The following MAPK8IP3 variants were observed in gnomAD, a reference collection of about 807,000 sequenced individuals.
MAPK8IP3 encodes mitogen-activated protein kinase 8 interacting protein 3, also known as C-Jun-amino-terminal kinase-interacting protein 3.
Under a neutral mutation model 157.8 loss-of-function variants are expected in MAPK8IP3, and 49 were observed. That is an observed-to-expected ratio of 0.31 (90% confidence interval 0.25 to 0.39). The LOEUF (loss-of-function observed/expected upper bound fraction) is 0.39. MAPK8IP3 is among the 10% of genes least tolerant of loss of function. MAPK8IP3 has a pLI of 1.00. For missense variants in MAPK8IP3, 1,478 were observed against 1,889.4 expected (o/e 0.78, Z 4.04); for synonymous variants, 897 against 777.7 (o/e 1.15, Z -2.55).
intron 13 of MAPK8IP3, among the ~76,000 whole-genome samples, chr16:1,761,772 C>G (rs1212495420): frequency 6.7e-6 from 1 of 150,216 alleles, no homozygotes; most frequent in Non-Finnish European, 1.5e-5. Flanking sequence ...CGCATTCACA[C>G]GTGGGGCAGC....
At position 1,765,139 on chromosome 16, in the gene MAPK8IP3, G is replaced by A. The variant is rs779363751; in HGVS notation, c.2407G>A (p.Val803Ile). 6.8e-6 allele frequency: 11 copies of A among 1,611,268 alleles called. No individual in the cohort carries two copies. Among genetic ancestry groups the A allele is most frequent in the South Asian group, 2.2e-5 (2 of 91,034 alleles). ...QPGTVVDQFT[V>I]CNAHVLCISS... ...GGGCACGGTGGTGGACCAGTTCACC[G>A]TCTGCAACGCGCACGTGCTGTGCAT... Residue 803 changes from valine (V) to isoleucine (I), a missense_variant, in exon 20 of 32, where the codon GTC becomes ATC. Val to Ile is a conservative substitution (Grantham distance 29, BLOSUM62 3). Coordinates refer to ENST00000610761, the MANE Select transcript of MAPK8IP3 (RefSeq NM_001318852.2).
At position 1,743,477 on chromosome 16, in the gene MAPK8IP3, GT is replaced by G; in HGVS notation, c.747+5del. 1 of 1,609,086 alleles carries G rather than the reference GT, an allele frequency of 6.2e-7. No individual in the cohort carries two copies. The highest frequency in any genetic ancestry group is 8.5e-7 in the Non-Finnish European group (1 of 1,178,856). On this transcript the variant is annotated splice_donor_variant, in intron 5 of 31. Transcript: ENST00000610761. LOFTEE classifies it high-confidence loss of function. The surrounding 1 kb of genome is among the most constrained non-coding windows in gnomAD (Gnocchi z 5.6). The stretch of plus-strand genomic sequence containing the variant: ...GCTGCAGTCCAGCTCCAGCTACCAG[GT>G]TTTGTAGCCGTGCCGTGGAGTGAGA...
intron 4 of MAPK8IP3, among the ~76,000 whole-genome samples, chr16:1,736,387 A>ACCGTCT (rs2039826350): frequency 1.7e-5 from 1 of 59,348 alleles, no homozygotes; most frequent in Non-Finnish European, 3.0e-5. Flanking sequence ...CATCCGTGTG[A>ACCGTCT]GCGTGACCGT....
chr16:1,743,552 G>C lies in MAPK8IP3; in HGVS notation c.747+76G>C. The C allele has an allele frequency of 6.5e-7, 1 of 1,546,836 alleles. No individual in the cohort carries two copies. Among genetic ancestry groups the C allele is most frequent in the Non-Finnish European group, 8.6e-7 (1 of 1,156,680 alleles). On this transcript the variant is annotated intron_variant, in intron 5 of 31. Transcript: ENST00000610761. This position sits in a 1 kb window ranked among gnomAD's most constrained non-coding sequence, Gnocchi z 5.6. Reference sequence around the variant, plus strand: ...CCCCGTTCACTGGGGCGGGAGCCTCGTCTGCAGGCAGCCCTTCACGGCTCT... The same window carrying C: ...CCCCGTTCACTGGGGCGGGAGCCTCCTCTGCAGGCAGCCCTTCACGGCTCT...
rs1381208291 is a variant in MAPK8IP3, at chr16:1,766,593, A to C, written c.2884A>C (p.Thr962Pro). The C allele has an allele frequency of 6.2e-7, 1 of 1,612,428 alleles. No individual in the cohort carries two copies. Residue 962 changes from threonine (T) to proline (P), a missense_variant, in exon 23 of 32, where the codon ACG becomes CCG. Around this residue, in one of 11 missense-constraint regions of MAPK8IP3, gnomAD observed 669 missense variants for 759.8 expected, o/e 0.88. Coordinates refer to ENST00000610761, the MANE Select transcript of MAPK8IP3 (RefSeq NM_001318852.2). Reference protein sequence around the residue: ...RPEPEPSGDPTGAGSSAAPTM... With the variant: ...RPEPEPSGDPPGAGSSAAPTM... ...AGAGCCAGAGCCCAGCGGGGACCCC[A>C]CGGGAGCAGGCAGCAGTGCTGCACC... is the stretch of plus-strand genomic sequence containing the variant.
At chr16:1,755,936 GAAAT>G (rs977577360) in intron 8 of MAPK8IP3, among the ~76,000 whole-genome samples, 44 of 150,426 alleles carry the variant, frequency 2.9e-4, no homozygotes, top group Admixed American at 4.0e-4. Flanking sequence ...AAATAATAAA[GAAAT>G]AAAGAGAAAA....
In MAPK8IP3 at chr16:1,751,814, C is replaced by G. The variant is rs1442217878; in HGVS notation, c.1216+3094C>G. On this transcript the variant is annotated intron_variant, in intron 8 of 31. Coordinates refer to ENST00000610761, the MANE Select transcript of MAPK8IP3 (RefSeq NM_001318852.2). The surrounding 1 kb of genome is among the most constrained non-coding windows in gnomAD (Gnocchi z 5.0). ...TTTCACAGCAATGGGCCTTTTCTGC[C>G]TGGCTTCTTTAACGTTGCATCACAT... The G allele has an allele frequency of 1.3e-5, 2 of 152,268 alleles. No homozygotes were observed. Among genetic ancestry groups the G allele is most frequent in the African/African-American group, 4.8e-5 (2 of 41,450 alleles). The allele number at this position is 152,268 out of a possible 1,614,324, so 9.4% of individuals were successfully genotyped here.
chr16:1,745,607 G>C (rs1156539823), intron 5 of MAPK8IP3: 1 of 152,374 alleles, frequency 6.6e-6, no homozygotes, highest in Non-Finnish European at 1.5e-5. Flanking sequence ...TGCATGGCCT[G>C]GGCCGCTGGG....
intron 4 of MAPK8IP3, among the ~76,000 whole-genome samples, chr16:1,736,973 C>T (rs1229957900): frequency 3.2e-5 from 2 of 62,150 alleles, no homozygotes; most frequent in Non-Finnish European, 5.9e-5. Flanking sequence ...TCCGTGTGAC[C>T]GTCCGTGTGA....
At chr16:1,729,322 T>G (rs1450333560) in intron 3 of MAPK8IP3, 114 bp downstream of exon 3, 12 of 1,348,142 alleles carry the variant, frequency 8.9e-6, no homozygotes, top group Non-Finnish European at 1.2e-5. Flanking sequence ...TTTCTAGCAT[T>G]TGCTGCCAGG....
chr16:1,744,585 T>G, intron 5 of MAPK8IP3: 1 of 985,622 alleles, frequency 1.0e-6, no homozygotes, highest in Non-Finnish European at 1.2e-6. Flanking sequence ...TGGGCCCACC[T>G]CCTCTCACTG....
intron 5 of MAPK8IP3, chr16:1,744,125 T>G: frequency 2.0e-6 from 2 of 985,622 alleles, no homozygotes. Context: ...GCCAGGCCAC[T>G]CCTTCAGGGC....
At chr16:1,731,942 C>T (rs554083563) in intron 4 of MAPK8IP3, among the ~76,000 whole-genome samples, 3 of 152,208 alleles carry the variant, frequency 2.0e-5, no homozygotes, top group East Asian at 1.9e-4. Flanking sequence ...GTGGGGGTAC[C>T]GGTGGGTTTC....
chr16:1,736,321 A>ACCGT (rs774237516), intron 4 of MAPK8IP3, among the ~76,000 whole-genome samples: 124 of 26,420 alleles, frequency 4.7e-3, no homozygotes, highest in African/African-American at 0.011. Flanking sequence ...TGAGCGTGTG[A>ACCGT]CCGTGTGAGC....
At position 1,766,356 on chromosome 16, in the gene MAPK8IP3, G is replaced by A. The variant is rs1399168234; in HGVS notation, c.2766G>A (p.Glu922=). 6.2e-7 allele frequency: 1 copy of A among 1,612,646 alleles called. No individual in the cohort carries two copies. Among genetic ancestry groups the A allele is most frequent in the Non-Finnish European group, 8.5e-7 (1 of 1,179,958 alleles). ...TATLRPGPLT[E]HVFTDPAPTP... ...CATTGCGGCCCGGGCCTCTCACAGA[G>A]CACGTCTTCACTGACCCAGCCCCGA... The change falls in exon 22 of 32, where the codon GAG becomes GAA. Residue 922 remains glutamate (E), a synonymous_variant. Transcript: ENST00000610761.
Position 1,743,893 on chromosome 16 carries a change from G to T in MAPK8IP3, c.747+417G>T. On this transcript the variant is annotated intron_variant, in intron 5 of 31. Transcript: ENST00000610761. This position sits in a 1 kb window ranked among gnomAD's most constrained non-coding sequence, Gnocchi z 5.6. ...GCCACGCCTCTACTCTCGGAGGAAC[G>T]TCAGTGTCTAGAGTGTGGGGTTTGC... 2 of 1,059,916 alleles carry T rather than the reference G, an allele frequency of 1.9e-6. No individual in the cohort carries two copies. Among genetic ancestry groups the T allele is most frequent in the Non-Finnish European group, 2.3e-6 (2 of 876,310 alleles). The allele number at this position is 1,059,916 out of a possible 1,614,324, so 65.7% of individuals were successfully genotyped here.
intron 1 of MAPK8IP3, among the ~76,000 whole-genome samples, chr16:1,708,977 T>C (rs1290207225): frequency 1.3e-5 from 2 of 152,178 alleles, no homozygotes; most frequent in Non-Finnish European, 2.9e-5. Context: ...GACGTGTGTC[T>C]GATAAGAGGG....
In MAPK8IP3 at chr16:1,751,501, G is replaced by C. The variant is rs1427145720; in HGVS notation, c.1216+2781G>C. The C allele has an allele frequency of 6.6e-6, 1 of 152,020 alleles. No individual in the cohort carries two copies. The highest frequency in any genetic ancestry group is 1.5e-5 in the Non-Finnish European group (1 of 68,018). The allele number at this position is 152,020 out of a possible 1,614,324, so 9.4% of individuals were successfully genotyped here. ...GTCAGGGAGGGTGAGATGACGGTGA[G>C]AGCTCGGACTTGAACGCAGGTCCCA... On this transcript the variant is annotated intron_variant, in intron 8 of 31. Coordinates refer to ENST00000610761, the MANE Select transcript of MAPK8IP3 (RefSeq NM_001318852.2). The surrounding 1 kb of genome is among the most constrained non-coding windows in gnomAD (Gnocchi z 5.0).
In MAPK8IP3 at chr16:1,761,362, C is replaced by T. The variant is rs536270518; in HGVS notation, c.1539+57C>T. ...GCGTCCACCATTCACTTTTCACAGG[C>T]GGGGCGGCCACCGTTCACCATTCAC... On this transcript the variant is annotated intron_variant, in intron 13 of 31. Transcript: ENST00000610761. 5.8e-5 allele frequency: 87 copies of T among 1,503,318 alleles called. No individual in the cohort carries two copies. In the East Asian group the frequency reaches 1.5e-3, roughly 27 times the overall value. The allele number at this position is 1,503,318 out of a possible 1,614,324, so 93.1% of individuals were successfully genotyped here.
Sources: gnomAD v4.1 joint callset for allele counts (sites outside exome capture counted in the v4.1 genomes callset) on GRCh38, gnomAD v4.1.1 for gene constraint, gnomAD v4.1.1 regional missense constraint, Gnocchi (gnomAD v3.1) non-coding constraint, MANE v1.5 for transcripts, NCBI Gene and HGNC (gene_info 2026-07-23, HGNC 2026-07-21) for gene names.